Variants in NCBP2AS2 observed in about 807,000 individuals in gnomAD.
NCBP2AS2 encodes protein NCBP2AS2.
For synonymous variants in NCBP2AS2, 67 were observed against 28.0 expected (o/e 2.39, Z -4.40); for missense variants, 125 against 56.0 (o/e 2.23, Z -3.93).
chr3:196,942,711 G>C lies in NCBP2AS2; in HGVS notation c.-6G>C, dbSNP rs1304291695. On this transcript the variant is annotated 5_prime_UTR_variant, in exon 1 of 1. Transcript: ENST00000602845. ...GGCGAGGTCGGGTTCCGGGCGCTTG[G>C]AGAAGATGGTGCTGCGGCGGCTGCT... 2.8e-6 allele frequency: 2 copies of C among 711,018 alleles called. No homozygotes were observed. The allele number at this position is 711,018 out of a possible 1,614,324, so 44.0% of individuals were successfully genotyped here.
Position 196,943,220 on chromosome 3 carries a change from AC to A in NCBP2AS2, c.*205del. ...TGATTGGACAAGACACAGTGTGGAG[AC>A]AGCCCTAAGCCTAACAGAGATGAAG... On this transcript the variant is annotated 3_prime_UTR_variant, in exon 1 of 1. Coordinates refer to ENST00000602845, the MANE Select transcript of NCBP2AS2 (RefSeq NM_001355243.2). 1 of 444,882 alleles carries A rather than the reference AC, an allele frequency of 2.2e-6. No individual in the cohort carries two copies. Among genetic ancestry groups the A allele is most frequent in the Admixed American group, 6.2e-5 (1 of 16,068 alleles). The allele number at this position is 444,882 out of a possible 1,614,324, so 27.6% of individuals were successfully genotyped here.
Position 196,942,983 on chromosome 3 carries a change from A to C in NCBP2AS2, c.267A>C (p.Pro89=), listed in dbSNP as rs1346485457. The C allele has an allele frequency of 1.4e-6, 1 of 692,072 alleles. No homozygotes were observed. The highest frequency in any genetic ancestry group is 2.6e-6 in the Non-Finnish European group (1 of 381,966). 42.9% of individuals were successfully genotyped at this position (692,072 alleles called of 1,614,324 possible). ...TCCGAGGCCGCTCGGGGCCACCACC[A>C]GGTAGCCAGAGGGGCCCTGGCGCAA... ...RGLRGRSGPP[P]GSQRGPGANI Residue 89 remains proline (P), a synonymous_variant, in exon 1 of 1, where the codon CCA becomes CCC. Transcript: ENST00000602845.
In NCBP2AS2 at chr3:196,942,737, G is replaced by C; in HGVS notation, c.21G>C (p.Leu7=). The C allele has an allele frequency of 4.3e-6, 3 of 699,392 alleles. No individual in the cohort carries two copies. The highest frequency in any genetic ancestry group is 5.2e-6 in the Non-Finnish European group (2 of 386,866). The allele number at this position is 699,392 out of a possible 1,614,324, so 43.3% of individuals were successfully genotyped here. A position where few individuals can be genotyped will look rare whatever the true frequency, so the allele number is the denominator to read the frequency against. The change falls in exon 1 of 1, where the codon CTG becomes CTC. Residue 7 remains leucine, a synonymous_variant. Coordinates refer to ENST00000602845, the MANE Select transcript of NCBP2AS2 (RefSeq NM_001355243.2). ...AGAAGATGGTGCTGCGGCGGCTGCTGGCCGCCCTGCTGCACAGCCCGCAGC... is the reference window on the plus strand; with the variant it reads ...AGAAGATGGTGCTGCGGCGGCTGCTCGCCGCCCTGCTGCACAGCCCGCAGC... The part of the protein sequence containing the change: MVLRRL[L]AALLHSPQLV...
rs942359551 is a variant in NCBP2AS2, at chr3:196,942,739, C to T, written c.23C>T (p.Ala8Val). 10 of 698,758 alleles carry T rather than the reference C, an allele frequency of 1.4e-5. No individual in the cohort carries two copies. The highest frequency in any genetic ancestry group is 2.5e-4 in the Middle Eastern group (1 of 4,056). 43.3% of individuals were successfully genotyped at this position (698,758 alleles called of 1,614,324 possible). The change falls in exon 1 of 1, where the codon GCC becomes GTC. Residue 8 changes from alanine to valine, a missense_variant. Coordinates refer to ENST00000602845, the MANE Select transcript of NCBP2AS2 (RefSeq NM_001355243.2). ...AAGATGGTGCTGCGGCGGCTGCTGG[C>T]CGCCCTGCTGCACAGCCCGCAGCTG... MVLRRLL[A>V]ALLHSPQLVE...
chr3:196,942,891 G>A lies in NCBP2AS2; in HGVS notation c.175G>A (p.Val59Met). ...CCTGCAGGACCTCGCGGCTGGGCCC[G>A]TGGGCTCCCTGTGCCGCCGCGCTGA... ...RRLQDLAAGP[V>M]GSLCRRAERF... The change falls in exon 1 of 1, where the codon GTG becomes ATG. Residue 59 changes from valine to methionine, a missense_variant. Coordinates refer to ENST00000602845, the MANE Select transcript of NCBP2AS2 (RefSeq NM_001355243.2). 2.9e-6 allele frequency: 2 copies of A among 700,572 alleles called. No homozygotes were observed. The highest frequency in any genetic ancestry group is 4.7e-4 in the Middle Eastern group (2 of 4,258). The allele number at this position is 700,572 out of a possible 1,614,324, so 43.4% of individuals were successfully genotyped here.
Position 196,943,109 on chromosome 3 carries a change from G to A in NCBP2AS2, c.*93G>A. 1.6e-6 allele frequency: 1 copy of A among 607,424 alleles called. No individual in the cohort carries two copies. The highest frequency in any genetic ancestry group is 2.9e-6 in the Non-Finnish European group (1 of 344,582). 37.6% of individuals were successfully genotyped at this position (607,424 alleles called of 1,614,324 possible). On this transcript the variant is annotated 3_prime_UTR_variant, in exon 1 of 1. Coordinates refer to ENST00000602845, the MANE Select transcript of NCBP2AS2 (RefSeq NM_001355243.2). ...GGGGTCATTCCGGGCACTGCGCGCGGCTTCGAATCCCGACTGGGATTGTTG... is the reference window on the plus strand; with the variant it reads ...GGGGTCATTCCGGGCACTGCGCGCGACTTCGAATCCCGACTGGGATTGTTG...
Position 196,943,046 on chromosome 3 carries a change from G to A in NCBP2AS2, c.*30G>A, listed in dbSNP as rs766079433. On this transcript the variant is annotated 3_prime_UTR_variant, in exon 1 of 1. Coordinates refer to ENST00000602845, the MANE Select transcript of NCBP2AS2 (RefSeq NM_001355243.2). ...GGGCTGTGCGGGGCCGAGGCCGCTT[G>A]CTTTTCCTTCCGGGCTCTACAGTGG... 2 of 648,422 alleles carry A rather than the reference G, an allele frequency of 3.1e-6. No individual in the cohort carries two copies. The highest frequency in any genetic ancestry group is 3.3e-5 in the South Asian group (2 of 59,990). 40.2% of individuals were successfully genotyped at this position (648,422 alleles called of 1,614,324 possible).
chr3:196,943,087 G>A lies in NCBP2AS2; in HGVS notation c.*71G>A. On this transcript the variant is annotated 3_prime_UTR_variant, in exon 1 of 1. Transcript: ENST00000602845. ...TCTACAGTGGCATCAATGTGGAGGG[G>A]TCATTCCGGGCACTGCGCGCGGCTT... 3.2e-6 allele frequency: 2 copies of A among 622,510 alleles called. No homozygotes were observed. The highest frequency in any genetic ancestry group is 5.9e-5 in the East Asian group (2 of 33,654). 38.6% of individuals were successfully genotyped at this position (622,510 alleles called of 1,614,324 possible). A position where few individuals can be genotyped will look rare whatever the true frequency, so the allele number is the denominator to read the frequency against.
Sources: gnomAD v4.1 joint callset for allele counts on GRCh38, gnomAD v4.1.1 for gene constraint, MANE v1.5 for transcripts, NCBI Gene and HGNC (gene_info 2026-07-23, HGNC 2026-07-21) for gene names.